SNX19: variants seen among roughly 807,000 people sequenced by gnomAD.
SNX19 encodes the protein sorting nexin 19, also known as sorting nexin-19.
In SNX19, 60 loss-of-function variants were observed where a neutral mutation model predicts 85.2. The observed-to-expected ratio is 0.70, with a 90% confidence interval of 0.57 to 0.87. The LOEUF is 0.87. Ranked by LOEUF, SNX19 falls within the 40% of genes least tolerant of loss-of-function variation. The pLI is 0.00. For synonymous variants in SNX19, 520 were observed against 470.0 expected (o/e 1.11, Z -1.38); for missense variants, 1,201 against 1,217.8 (o/e 0.99, Z 0.21).
rs138568529 is a variant in SNX19 at position 130,901,539 on chromosome 11, G to A, written c.2573+1716C>T. ...GACCATTCGAAGGCAGATACAGGAA[G>A]ATGAGCAAAGGCCTGGGGGTAAAAG... is the stretch of plus-strand genomic sequence containing the variant. On this transcript the variant is annotated intron_variant, in intron 8 of 10. Transcript: ENST00000265909. Among the ~76,000 whole-genome samples, 419 of 152,324 alleles carry A rather than the reference G, an allele frequency of 2.8e-3. 3 individuals carry two copies. The highest frequency in any genetic ancestry group is 9.1e-3 in the African/African-American group (377 of 41,576).
In SNX19 at chr11:130,914,809, C is replaced by G; in HGVS notation, c.1131G>C (p.Leu377=). ...TGATGGTTTCTTTGCCCAGTTCAGA[C>G]AGCGGAGACTCCAGCTCTGAGTCTT... The part of the protein sequence containing the change: ...LCEDSELESP[L]SELGKETIML... The change falls in exon 1 of 11, where the codon CTG becomes CTC. Residue 377 remains leucine (L), a synonymous_variant. Coordinates refer to ENST00000265909, the MANE Select transcript of SNX19 (RefSeq NM_014758.3). The G allele has an allele frequency of 6.2e-7, 1 of 1,614,242 alleles. No homozygotes were observed. Among genetic ancestry groups the G allele is most frequent in the Admixed American group, 1.7e-5 (1 of 60,036 alleles).
chr11:130,894,459 G>A (rs1334790755), intron 8 of SNX19, among the ~76,000 whole-genome samples: 1 of 152,240 alleles, frequency 6.6e-6, no homozygotes, highest in African/African-American at 2.4e-5. Context: ...GGAGTAGGCA[G>A]ATAAGTGGCC....
At position 130,911,668 on chromosome 11, in the gene SNX19, A is replaced by G. The variant is rs202049344; in HGVS notation, c.1778T>C (p.Leu593Pro). ...YREFLNLQTRLEEKPDLRKFI... is the reference protein window; with the variant it reads ...YREFLNLQTRPEEKPDLRKFI... The stretch of plus-strand genomic sequence containing the variant: ...CTTTCGTAGATCTGGTTTCTCCTCC[A>G]GACGGGTCTGCAGATTCAAGAACTC... The change falls in exon 2 of 11, where the codon CTG becomes CCG. Residue 593 changes from leucine to proline, a missense_variant. This residue lies in a region of SNX19 where 791 missense variants were observed against 750.9 expected (regional missense o/e 1.05). Transcript: ENST00000265909. 2.5e-5 allele frequency: 41 copies of G among 1,614,234 alleles called. No homozygotes were observed. The East Asian group carries it at 9.1e-4, about 36-fold the overall frequency.
intron 8 of SNX19, among the ~76,000 whole-genome samples, chr11:130,896,240 T>A (rs7126906): frequency 6.6e-6 from 1 of 152,044 alleles, no homozygotes; most frequent in South Asian, 2.1e-4. Context: ...AGAGCTGAAC[T>A]GGAAGAAAAA....
At chr11:130,888,609 C>T (rs1358914233) in intron 8 of SNX19, among the ~76,000 whole-genome samples, 2 of 152,170 alleles carry the variant, frequency 1.3e-5, no homozygotes, top group African/African-American at 2.4e-5. Flanking sequence ...CAAATGTTCA[C>T]AAACATCTAT....
chr11:130,911,506 A>G, intron 2 of SNX19, 127 bp downstream of exon 2: 2 of 1,520,640 alleles, frequency 1.3e-6, no homozygotes, highest in Non-Finnish European at 1.8e-6. Flanking sequence ...CTCCTGAAGC[A>G]AATCCAGGGA....
intron 8 of SNX19, among the ~76,000 whole-genome samples, chr11:130,900,864 C>T (rs558426845): frequency 6.6e-6 from 1 of 152,030 alleles, no homozygotes; most frequent in Non-Finnish European, 1.5e-5. Flanking sequence ...TTAGTGACAT[C>T]CAGAGGTGAC....
chr11:130,905,756 CTG>C, intron 7 of SNX19, 195 bp downstream of exon 7: 13 of 1,537,140 alleles, frequency 8.5e-6, no homozygotes, highest in Non-Finnish European at 1.1e-5. Context: ...CCCTGTTCTG[CTG>C]CTTGATTCCG....
rs569345567 is a variant in SNX19 at position 130,869,084 on chromosome 11, A to C, written c.*9338T>G. The C allele has an allele frequency of 6.6e-6, 1 of 152,052 alleles. No individual in the cohort carries two copies. Among genetic ancestry groups the C allele is most frequent in the East Asian group, 1.9e-4 (1 of 5,152 alleles). 9.4% of individuals were successfully genotyped at this position (152,052 alleles called of 1,614,324 possible). The stretch of plus-strand genomic sequence containing the variant: ...GTCTGCCATGGTATATGCTGGAAAA[A>C]CTCTGGGAAACAAGACAATCTGCCT... On this transcript the variant is annotated 3_prime_UTR_variant, in exon 11 of 11. Coordinates refer to ENST00000265909, the MANE Select transcript of SNX19 (RefSeq NM_014758.3).
intron 8 of SNX19, among the ~76,000 whole-genome samples, chr11:130,884,784 C>T (rs1476052074): frequency 6.7e-6 from 1 of 150,188 alleles, no homozygotes; most frequent in African/African-American, 2.5e-5. Flanking sequence ...AGGCAGGAGA[C>T]TCGCTTGAAC....
rs766534162 is a variant in SNX19 at position 130,910,304 on chromosome 11, T to A, written c.1880A>T (p.Glu627Val). ...TGATTCTAGGAGGCTCTTACGGGCT[T>A]CTACTCTGTCACTGTCCATGTTTCC... ...PLGNMDSDRV[E>V]ARKSLLESFL... Residue 627 changes from glutamate (E) to valine (V), a missense_variant, in exon 3 of 11, where the codon GAA becomes GTA. Transcript: ENST00000265909. 1.2e-6 allele frequency: 2 copies of A among 1,613,606 alleles called. No individual in the cohort carries two copies. The highest frequency in any genetic ancestry group is 1.7e-6 in the Non-Finnish European group (2 of 1,179,882).
Position 130,869,679 on chromosome 11 carries a change from T to C in SNX19, c.*8743A>G, listed in dbSNP as rs750127234. On this transcript the variant is annotated 3_prime_UTR_variant, in exon 11 of 11. Transcript: ENST00000265909. ...TGAATAGTTTGCAACATATAAAGAA[T>C]TGGTCAAAATGTTTATTCTTAGGGT... 8.5e-5 allele frequency: 13 copies of C among 152,304 alleles called. No homozygotes were observed. Among genetic ancestry groups the C allele is most frequent in the East Asian group, 1.9e-4 (1 of 5,188 alleles). 9.4% of individuals were successfully genotyped at this position (152,304 alleles called of 1,614,324 possible).
chr11:130,891,608 A>C (rs1944498849), intron 8 of SNX19, among the ~76,000 whole-genome samples: 1 of 152,198 alleles, frequency 6.6e-6, no homozygotes, highest in Admixed American at 6.5e-5. Flanking sequence ...CATTGAATTG[A>C]TTCCAACCCA....
At chr11:130,910,216 G>A in intron 3 of SNX19, 54 bp downstream of exon 3, 4 of 1,612,208 alleles carry the variant, frequency 2.5e-6, no homozygotes, top group Non-Finnish European at 2.5e-6. Context: ...GGGTGTTCTG[G>A]GGTTAGACAC....
intron 9 of SNX19, 57 bp downstream of exon 9, chr11:130,880,565 C>T: frequency 6.8e-7 from 1 of 1,476,732 alleles, no homozygotes; most frequent in Non-Finnish European, 9.2e-7. Context: ...GTAATGGTGG[C>T]AAAGCAGAAT....
chr11:130,872,253 A>G lies in SNX19; in HGVS notation c.*6169T>C, dbSNP rs1165662649. Reference sequence around the variant, plus strand: ...ACTTTCAGACCAGAGACAGGTGAGGATGACAGGGAGGCAGTGCAAAGGCTC... The same window carrying G: ...ACTTTCAGACCAGAGACAGGTGAGGGTGACAGGGAGGCAGTGCAAAGGCTC... On this transcript the variant is annotated 3_prime_UTR_variant, in exon 11 of 11. Transcript: ENST00000265909. Among the ~76,000 whole-genome samples, 1 of 152,162 alleles carries G rather than the reference A, an allele frequency of 6.6e-6. No homozygotes were observed.
chr11:130,914,608 G>C lies in SNX19; in HGVS notation c.1332C>G (p.Cys444Trp). 6.2e-7 allele frequency: 1 copy of C among 1,613,952 alleles called. No homozygotes were observed. Among genetic ancestry groups the C allele is most frequent in the Non-Finnish European group, 8.5e-7 (1 of 1,179,868 alleles). ...TGLPVSTLNS[C>W]PEIHIDTADK... is the part of the protein sequence containing the mutation. ...CTGCTGTGTCAATATGGATCTCTGG[G>C]CAGGAATTCAGTGTGGAGACCGGCA... is the stretch of plus-strand genomic sequence containing the variant. The change falls in exon 1 of 11, where the codon TGC becomes TGG. Residue 444 changes from cysteine (C) to tryptophan (W), a missense_variant. Transcript: ENST00000265909.
At chr11:130,893,664 C>T (rs1225567095) in intron 8 of SNX19, 1 of 619,926 alleles carries the variant, frequency 1.6e-6, no homozygotes, top group Non-Finnish European at 2.9e-6. Flanking sequence ...TTTGGGAGCA[C>T]TGACTATGGG....
rs1332998888 is a variant in SNX19, at chr11:130,877,982, G to T, written c.*440C>A. ...TTTCCGGGTAGGAACAGAGAGCTGA[G>T]AAGGTTGTTTTCTCCTCCAAGGAAA... On this transcript the variant is annotated 3_prime_UTR_variant, in exon 11 of 11. Coordinates refer to ENST00000265909, the MANE Select transcript of SNX19 (RefSeq NM_014758.3). The T allele has an allele frequency of 6.5e-6, 1 of 152,806 alleles. No homozygotes were observed. The highest frequency in any genetic ancestry group is 1.5e-5 in the Non-Finnish European group (1 of 68,498). 9.5% of individuals were successfully genotyped at this position (152,806 alleles called of 1,614,324 possible). A position where few individuals can be genotyped will look rare whatever the true frequency, so the allele number is the denominator to read the frequency against.
Sources: allele counts gnomAD v4.1 joint callset (sites outside exome capture counted in the v4.1 genomes callset), GRCh38; gene constraint gnomAD v4.1.1; regional missense constraint gnomAD v4.1.1; transcripts MANE v1.5; gene names NCBI Gene and HGNC (gene_info 2026-07-23, HGNC 2026-07-21).